Variants in PHLPP1 observed in about 807,000 individuals in gnomAD.
PHLPP1 encodes PH domain and leucine rich repeat protein phosphatase 1, also known as PH domain leucine-rich repeat-containing protein phosphatase 1.
PHLPP1 carries 42 observed loss-of-function variants against 117.2 expected under a neutral mutation model. The observed-to-expected ratio is 0.36, with a 90% CI of 0.28 to 0.46. The LOEUF (loss-of-function observed/expected upper bound fraction) is 0.46. PHLPP1 is among the 20% of genes least tolerant of loss of function. PHLPP1 has a pLI of 1.00. For synonymous variants in PHLPP1, 1,042 were observed against 970.7 expected (o/e 1.07, Z -1.37); for missense variants, 2,084 against 2,241.9 (o/e 0.93, Z 1.42).
chr18:62,941,954 A>C (rs753427909), intron 11 of PHLPP1, 36 bp downstream of exon 11: 1 of 1,511,040 alleles, frequency 6.6e-7, no homozygotes, highest in South Asian at 1.2e-5. Context: ...TCTGAATTGC[A>C]TTTCTCAAAG....
In PHLPP1 at chr18:62,888,329, G is replaced by A. The variant is rs1188210091; in HGVS notation, c.2067-6682G>A. Among the ~76,000 whole-genome samples the A allele has an allele frequency of 2.8e-4, 38 of 134,034 alleles. 2 individuals are homozygous for A. The highest frequency in any genetic ancestry group is 2.2e-3 in the East Asian group (11 of 4,936). The allele number at this position is 134,034 out of a possible 152,430, so 87.9% of individuals were successfully genotyped here. ...TGTGTGTGTGTGTGTGTGTGTGTGT[G>A]TGTGTATGTTTTTTTTTTCTTTTTA... On this transcript the variant is annotated intron_variant, in intron 4 of 16. Transcript: ENST00000262719.
intron 10 of PHLPP1, among the ~76,000 whole-genome samples, chr18:62,927,977 A>G (rs1281509598): frequency 6.6e-6 from 1 of 152,180 alleles, no homozygotes; most frequent in Non-Finnish European, 1.5e-5. Flanking sequence ...ACCAGTAAAA[A>G]GATAAAATAG....
At chr18:62,850,933 G>A (rs1052274934) in intron 3 of PHLPP1, among the ~76,000 whole-genome samples, 7 of 152,168 alleles carry the variant, frequency 4.6e-5, no homozygotes, top group African/African-American at 1.4e-4. Context: ...TGCTGTCGAC[G>A]TGGAGCTCTG....
chr18:62,845,806 C>A (rs1351810845), intron 3 of PHLPP1, among the ~76,000 whole-genome samples: 1 of 152,160 alleles, frequency 6.6e-6, no homozygotes, highest in Non-Finnish European at 1.5e-5. Flanking sequence ...CAGTACTGTT[C>A]TACTGAGGAG....
chr18:62,734,401 A>T (rs917143251), intron 1 of PHLPP1, among the ~76,000 whole-genome samples: 1 of 152,238 alleles, frequency 6.6e-6, no homozygotes, highest in Non-Finnish European at 1.5e-5. Flanking sequence ...ATATAAGCAT[A>T]AAACAACTTA....
At chr18:62,775,864 G>A (rs1912939040) in intron 1 of PHLPP1, among the ~76,000 whole-genome samples, 1 of 151,990 alleles carries the variant, frequency 6.6e-6, no homozygotes, top group Non-Finnish European at 1.5e-5. Flanking sequence ...ATCTACCCTT[G>A]ACCTAGGGAA....
chr18:62,764,699 T>G (rs1031584826), intron 1 of PHLPP1, among the ~76,000 whole-genome samples: 2 of 152,238 alleles, frequency 1.3e-5, no homozygotes, highest in African/African-American at 4.8e-5. Flanking sequence ...CTAGGGTTCT[T>G]GGGGATGAAA....
chr18:62,738,866 G>C (rs1449138531), intron 1 of PHLPP1, among the ~76,000 whole-genome samples: 1 of 152,218 alleles, frequency 6.6e-6, no homozygotes, highest in Non-Finnish European at 1.5e-5. Flanking sequence ...GCAGACTACT[G>C]TATGTCCTGC....
chr18:62,951,653 T>G (rs1445939253), intron 12 of PHLPP1, among the ~76,000 whole-genome samples: 1 of 152,048 alleles, frequency 6.6e-6, no homozygotes, highest in Non-Finnish European at 1.5e-5. Context: ...TCATGCTCAT[T>G]TTATGTTCTA....
Position 62,716,463 on chromosome 18 carries a change from C to G in PHLPP1, c.780C>G (p.Pro260=). Residue 260 remains proline, a synonymous_variant, in exon 1 of 17, where the codon CCC becomes CCG. Transcript: ENST00000262719. The surrounding 1 kb of genome is among the most constrained non-coding windows in gnomAD (Gnocchi z 5.7). ...QGPGAAAARE[P]AEPPPEAGPR... is the part of the protein sequence containing the mutation. ...CCGGAGCCGCCGCCGCCCGGGAGCC[C>G]GCTGAACCGCCCCCCGAGGCCGGCC... is the stretch of plus-strand genomic sequence containing the variant. 1.6e-6 allele frequency: 2 copies of G among 1,262,062 alleles called. No homozygotes were observed. The highest frequency in any genetic ancestry group is 2.0e-6 in the Non-Finnish European group (2 of 1,007,512). The allele number at this position is 1,262,062 out of a possible 1,614,324, so 78.2% of individuals were successfully genotyped here. A position where few individuals can be genotyped will look rare whatever the true frequency, so the allele number is the denominator to read the frequency against.
At chr18:62,966,691 G>A (rs776765360) in intron 14 of PHLPP1, among the ~76,000 whole-genome samples, 14 of 151,924 alleles carry the variant, frequency 9.2e-5, no homozygotes, top group Non-Finnish European at 1.8e-4. Flanking sequence ...GGATGGTCTC[G>A]ATCTCCTGAC....
At chr18:62,888,253 G>GT (rs1445644067) in intron 4 of PHLPP1, among the ~76,000 whole-genome samples, 1 of 149,124 alleles carries the variant, frequency 6.7e-6, no homozygotes, top group Non-Finnish European at 1.5e-5. Context: ...TGAAATATTA[G>GT]TTTAAAATAG....
intron 1 of PHLPP1, among the ~76,000 whole-genome samples, chr18:62,786,680 A>G (rs1421314278): frequency 6.6e-6 from 1 of 152,206 alleles, no homozygotes; most frequent in African/African-American, 2.4e-5. Flanking sequence ...TTTTGTATCT[A>G]CACTTAAAGG....
At position 62,778,533 on chromosome 18, in the gene PHLPP1, C is replaced by T. The variant is rs929641959; in HGVS notation, c.1577-51502C>T. On this transcript the variant is annotated intron_variant, in intron 1 of 16. Coordinates refer to ENST00000262719, the MANE Select transcript of PHLPP1 (RefSeq NM_194449.4). ...ATAAATTCATTATTCTGAACTCCCT[C>T]TGACTTATTGTATACCGTGCTTATT... Among the ~76,000 whole-genome samples, 3 of 152,220 alleles carry T rather than the reference C, an allele frequency of 2.0e-5. No individual in the cohort carries two copies. In the East Asian group the frequency reaches 5.8e-4, roughly 29 times the overall value.
At chr18:62,856,985 T>A (rs1915514599) in intron 3 of PHLPP1, among the ~76,000 whole-genome samples, 1 of 152,188 alleles carries the variant, frequency 6.6e-6, no homozygotes, top group Non-Finnish European at 1.5e-5. Context: ...ATTTATTTAT[T>A]TGTAAAGAAA....
chr18:62,962,835 G>T (rs925375145), intron 13 of PHLPP1, among the ~76,000 whole-genome samples: 1 of 152,004 alleles, frequency 6.6e-6, no homozygotes, highest in African/African-American at 2.4e-5. Context: ...GGCTATACCC[G>T]TGAGGAGAGT....
intron 1 of PHLPP1, among the ~76,000 whole-genome samples, chr18:62,787,162 T>C (rs1335141719): frequency 1.3e-5 from 2 of 152,080 alleles, no homozygotes; most frequent in Admixed American, 1.3e-4. Flanking sequence ...TTTTTTTCTC[T>C]CTTTTCTTTT....
intron 1 of PHLPP1, among the ~76,000 whole-genome samples, chr18:62,718,518 T>C (rs1346109491): frequency 6.6e-6 from 1 of 152,216 alleles, no homozygotes; most frequent in Non-Finnish European, 1.5e-5. Flanking sequence ...CTTGGAAGTT[T>C]TTCTGAAATT....
intron 1 of PHLPP1, among the ~76,000 whole-genome samples, chr18:62,755,165 C>A (rs759829922): frequency 1.3e-5 from 2 of 151,992 alleles, no homozygotes; most frequent in Non-Finnish European, 2.9e-5. Flanking sequence ...TTTGTTGTCC[C>A]CTGGATAGAT....
Sources: gnomAD v4.1 joint callset for allele counts (sites outside exome capture counted in the v4.1 genomes callset) on GRCh38, gnomAD v4.1.1 for gene constraint, Gnocchi (gnomAD v3.1) non-coding constraint, MANE v1.5 for transcripts, NCBI Gene and HGNC (gene_info 2026-07-23, HGNC 2026-07-21) for gene names.